LAMC1: variants seen among roughly 807,000 people sequenced by gnomAD.
LAMC1 encodes the protein laminin subunit gamma 1.
In LAMC1, 38 loss-of-function variants were observed where a neutral mutation model predicts 173.6. The ratio of observed to expected loss-of-function variants is 0.22; its 90% CI spans 0.17 to 0.29. The LOEUF (loss-of-function observed/expected upper bound fraction) is 0.29. Among genes scored for constraint, LAMC1 ranks in the 10% least tolerant of loss-of-function variants. The pLI is 1.00. For missense variants in LAMC1, 1,824 were observed against 2,051.8 expected (o/e 0.89, Z 2.14); for synonymous variants, 746 against 749.1 (o/e 1.00, Z 0.07).
At position 183,125,450 on chromosome 1, in the gene LAMC1, G is replaced by A. The variant is rs140692694; in HGVS notation, c.2701G>A (p.Val901Met). The A allele has an allele frequency of 1.1e-4, 177 of 1,614,122 alleles. 1 individual carries two copies. The African/African-American group carries it at 1.4e-3, about 12-fold the overall frequency. ...GAAGCAGCAGAGCAGCTGTAACCCC[G>A]TGACGGGGCAGTGTGAATGTTTGCC... ...TMKQQSSCNP[V>M]TGQCECLPHV... is the part of the protein sequence containing the mutation. The change falls in exon 15 of 28, where the codon GTG (valine) becomes ATG (methionine). Residue 901 changes from valine to methionine, a missense_variant. Coordinates refer to ENST00000258341, the MANE Select transcript of LAMC1 (RefSeq NM_002293.4).
chr1:183,050,372 C>T (rs1348556777), intron 1 of LAMC1, among the ~76,000 whole-genome samples: 2 of 149,216 alleles, frequency 1.3e-5, no homozygotes, highest in Non-Finnish European at 3.0e-5. Flanking sequence ...AGCGCCACCT[C>T]CCAGGTTCAC....
chr1:183,122,157 T>C lies in LAMC1; in HGVS notation c.2307T>C (p.Asp769=). 1.2e-6 allele frequency: 2 copies of C among 1,614,200 alleles called. No homozygotes were observed. The highest frequency in any genetic ancestry group is 1.7e-6 in the Non-Finnish European group (2 of 1,180,024). Residue 769 remains aspartate, a synonymous_variant, in exon 13 of 28, where the codon GAT becomes GAC. Transcript: ENST00000258341. ...ATTCAACTGCAGGCACCTCCTCCGA[T>C]TGCCAACCCTGTCCGTGTCCTGGAG... ...YGDSTAGTSS[D]CQPCPCPGGS...
rs570925249 is a variant in LAMC1, at chr1:183,144,723, C to T, written c.*1933C>T. ...TAGCCAGGAATGAGGGAGAAATGCC[C>T]TTTCTGGCAATTGTTGGAGCTGGAT... On this transcript the variant is annotated 3_prime_UTR_variant, in exon 28 of 28. Coordinates refer to ENST00000258341, the MANE Select transcript of LAMC1 (RefSeq NM_002293.4). 5.8e-4 allele frequency: 88 copies of T among 152,284 alleles called. No homozygotes were observed. The highest frequency in any genetic ancestry group is 2.0e-3 in the African/African-American group (81 of 41,518). 9.4% of individuals were successfully genotyped at this position (152,284 alleles called of 1,614,324 possible).
chr1:183,051,878 A>G (rs1227095540), intron 1 of LAMC1, among the ~76,000 whole-genome samples: 1 of 152,168 alleles, frequency 6.6e-6, no homozygotes, highest in Non-Finnish European at 1.5e-5. Context: ...TCTGGTCAGT[A>G]TCCTTGTGTG....
At chr1:183,040,162 G>GT (rs1433184498) in intron 1 of LAMC1, among the ~76,000 whole-genome samples, 1 of 152,216 alleles carries the variant, frequency 6.6e-6, no homozygotes. Context: ...GAGAACTTGT[G>GT]TTTGAAATTC....
chr1:183,062,219 A>C (rs974707166), intron 1 of LAMC1, among the ~76,000 whole-genome samples: 1 of 152,264 alleles, frequency 6.6e-6, no homozygotes, highest in Non-Finnish European at 1.5e-5. Context: ...AAAAGTTCAA[A>C]GTTTCAAAGA....
chr1:183,051,076 A>G (rs1365649756), intron 1 of LAMC1, among the ~76,000 whole-genome samples: 3 of 152,028 alleles, frequency 2.0e-5, no homozygotes, highest in South Asian at 2.1e-4. Flanking sequence ...TCAATATTCA[A>G]TAGTTAATAA....
In LAMC1 at chr1:183,116,674, A is replaced by G; in HGVS notation, c.1426A>G (p.Arg476Gly). Residue 476 changes from arginine (R) to glycine (G), a missense_variant and splice_region_variant, in exon 7 of 28, where the codon AGA (arginine) becomes GGA (glycine). By Grantham distance (125) the Arg-to-Gly change is moderately radical (BLOSUM62 -2). Transcript: ENST00000258341. Reference sequence around the variant, plus strand: ...CAATGTCGAAGGCTTCAATTGTGAAAGGTAGTGCATTCTTTCTCTAGCTGC... The same window carrying G: ...CAATGTCGAAGGCTTCAATTGTGAAGGGTAGTGCATTCTTTCTCTAGCTGC... The part of the protein sequence containing the change: ...KDNVEGFNCE[R>G]CKPGFFNLES... 1 of 1,611,918 alleles carries G rather than the reference A, an allele frequency of 6.2e-7. No individual in the cohort carries two copies.
At chr1:183,126,381 C>G (rs933748921) in intron 16 of LAMC1, 119 bp downstream of exon 16, 12 of 975,994 alleles carry the variant, frequency 1.2e-5, no homozygotes, top group South Asian at 1.0e-4. Context: ...AGGGCTGTAC[C>G]TAAGTCATCG....
chr1:183,093,677 T>C (rs915178656), intron 1 of LAMC1, among the ~76,000 whole-genome samples: 1 of 152,190 alleles, frequency 6.6e-6, no homozygotes, highest in Non-Finnish European at 1.5e-5. Context: ...TGAATTGATA[T>C]TTTCACTTAG....
At chr1:183,061,367 G>GTTTT (rs5779152) in intron 1 of LAMC1, among the ~76,000 whole-genome samples, 12 of 148,574 alleles carry the variant, frequency 8.1e-5, no homozygotes, top group East Asian at 3.9e-4. Context: ...TTTGGTTGGT[G>GTTTT]TTTTTTTTTT....
chr1:183,136,702 G>A, intron 25 of LAMC1, 117 bp downstream of exon 25: 2 of 802,100 alleles, frequency 2.5e-6, no homozygotes, highest in Non-Finnish European at 3.9e-6. Flanking sequence ...CAGTAAAATT[G>A]TCTTAAACCA....
chr1:183,136,298 TAAAAC>T, intron 24 of LAMC1, 83 bp from the exon 25 acceptor site: 1 of 1,181,598 alleles, frequency 8.5e-7, no homozygotes, highest in Non-Finnish European at 1.2e-6. Flanking sequence ...CCATTGTTCA[TAAAAC>T]AAAATCCAGT....
intron 1 of LAMC1, among the ~76,000 whole-genome samples, chr1:183,090,713 A>T (rs1228113837): frequency 1.3e-5 from 2 of 152,120 alleles, no homozygotes; most frequent in Non-Finnish European, 2.9e-5. Flanking sequence ...AGTTTTCAAC[A>T]TGTCATTTTT....
At chr1:183,116,740 A>C (rs113167511) in intron 7 of LAMC1, 27 bp from the exon 8 acceptor site, 2 of 1,612,678 alleles carry the variant, frequency 1.2e-6, no homozygotes, top group African/African-American at 1.3e-5. Flanking sequence ...AAAAAAAAGT[A>C]ACTGATTGTG....
intron 13 of LAMC1, 39 bp downstream of exon 13, chr1:183,122,290 C>T: frequency 6.3e-7 from 1 of 1,587,236 alleles, no homozygotes; most frequent in Non-Finnish European, 8.6e-7. Context: ...GTGTTCCCTT[C>T]TATAAAAAGA....
At chr1:183,138,295 C>A in intron 26 of LAMC1, 1 of 654,612 alleles carries the variant, frequency 1.5e-6, no homozygotes, top group Non-Finnish European at 1.9e-6. Flanking sequence ...TTTAATTTTT[C>A]ACGTTTTGTG....
intron 1 of LAMC1, among the ~76,000 whole-genome samples, chr1:183,069,448 A>G (rs984109578): frequency 1.3e-5 from 2 of 152,210 alleles, no homozygotes; most frequent in African/African-American, 4.8e-5. Context: ...AGGAAAGGTA[A>G]AAGTTAAGTC....
At chr1:183,094,074 G>C (rs940659448) in intron 1 of LAMC1, among the ~76,000 whole-genome samples, 3 of 152,134 alleles carry the variant, frequency 2.0e-5, no homozygotes, top group African/African-American at 7.2e-5. Context: ...AGCCCTCCAT[G>C]TTGGCATTCC....
Sources: gnomAD v4.1 joint callset for allele counts (sites outside exome capture counted in the v4.1 genomes callset) on GRCh38, gnomAD v4.1.1 for gene constraint, MANE v1.5 for transcripts, NCBI Gene and HGNC (gene_info 2026-07-23, HGNC 2026-07-21) for gene names.